EYA4: variants seen among roughly 807,000 people sequenced by gnomAD.
EYA4 encodes the protein EYA transcriptional coactivator and phosphatase 4.
A neutral mutation model predicts 87.9 loss-of-function variants in EYA4; 31 were observed. That is an observed-to-expected ratio of 0.35 (90% CI 0.27 to 0.48). The LOEUF (loss-of-function observed/expected upper bound fraction) is 0.48. EYA4 is among the 20% of genes least tolerant of loss of function. The pLI is 0.99. For synonymous variants in EYA4, 263 were observed against 270.6 expected, an observed-to-expected ratio of 0.97 and a Z score of 0.28; for missense variants, 678 against 761.4, an observed-to-expected ratio of 0.89 and a Z score of 1.29.
Position 133,523,182 on chromosome 6 carries a change from G to A in EYA4, c.1738+5G>A. ...TTTACAGTGCAACTAAAATAGGTAA[G>A]GAAATTATTTTAAACTCTGTATGGA... On this transcript the variant is annotated splice_donor_5th_base_variant and intron_variant, in intron 18 of 19. Coordinates refer to ENST00000355286, the MANE Select transcript of EYA4 (RefSeq NM_004100.5). 1.9e-6 allele frequency: 3 copies of A among 1,611,680 alleles called. No homozygotes were observed. Among genetic ancestry groups the A allele is most frequent in the Non-Finnish European group, 2.5e-6 (3 of 1,178,214 alleles).
intron 13 of EYA4, among the ~76,000 whole-genome samples, chr6:133,489,543 T>C (rs912530961): frequency 2.6e-5 from 4 of 151,722 alleles, no homozygotes; most frequent in Admixed American, 2.0e-4. Context: ...GGAGCTCCAG[T>C]ACATGGCAGC....
At chr6:133,357,479 G>A (rs1784158111) in intron 2 of EYA4, among the ~76,000 whole-genome samples, 8 of 151,980 alleles carry the variant, frequency 5.3e-5, no homozygotes, top group Admixed American at 5.2e-4. Flanking sequence ...ATTAAATTAT[G>A]GTACCTAATC....
At chr6:133,295,249 C>T (rs1488301251) in intron 2 of EYA4, among the ~76,000 whole-genome samples, 1 of 152,172 alleles carries the variant, frequency 6.6e-6, no homozygotes, top group Non-Finnish European at 1.5e-5. Context: ...TGTTCAAGTG[C>T]TCCCCTAGAG....
intron 3 of EYA4, among the ~76,000 whole-genome samples, chr6:133,394,438 C>G (rs537289399): frequency 6.6e-6 from 1 of 151,384 alleles, no homozygotes; most frequent in South Asian, 2.1e-4. Context: ...AACAGCGGCA[C>G]CTTTATAAGC....
chr6:133,347,444 A>G (rs967045029), intron 2 of EYA4, among the ~76,000 whole-genome samples: 5 of 152,090 alleles, frequency 3.3e-5, no homozygotes, highest in African/African-American at 1.2e-4. Context: ...ATACACTTAA[A>G]ATGGAGATTT....
intron 2 of EYA4, among the ~76,000 whole-genome samples, chr6:133,300,472 T>C (rs1312096886): frequency 6.6e-6 from 1 of 152,188 alleles, no homozygotes; most frequent in Non-Finnish European, 1.5e-5. Context: ...ATTTAGTCTC[T>C]GTATTAATCA....
Position 133,506,179 on chromosome 6 carries a change from T to G in EYA4, c.1265T>G (p.Phe422Cys). 1 of 1,596,538 alleles carries G rather than the reference T, an allele frequency of 6.3e-7. No homozygotes were observed. The highest frequency in any genetic ancestry group is 8.6e-7 in the Non-Finnish European group (1 of 1,164,110). ...MIFNLADTHL[F>C]FNDLEECDQV... ...TTTAATCTTGCTGATACTCATTTGTTTTTTAATGATTTAGAGGTAAGAATT... is the reference window on the plus strand; with the variant it reads ...TTTAATCTTGCTGATACTCATTTGTGTTTTAATGATTTAGAGGTAAGAATT... Residue 422 changes from phenylalanine to cysteine, a missense_variant, in exon 14 of 20, where the codon TTT becomes TGT. Transcript: ENST00000355286.
intron 1 of EYA4, chr6:133,248,365 T>C (rs1742912592): frequency 6.6e-6 from 1 of 152,198 alleles, no homozygotes; most frequent in African/African-American, 2.4e-5. Flanking sequence ...TTAATTCTAC[T>C]CACAAAAGCA....
At chr6:133,459,103 T>C (rs2128649294) in intron 6 of EYA4, among the ~76,000 whole-genome samples, 1 of 152,300 alleles carries the variant, frequency 6.6e-6, no homozygotes, top group Admixed American at 6.5e-5. Context: ...TTTGTTGTTC[T>C]TTTCAGTTAT....
intron 3 of EYA4, among the ~76,000 whole-genome samples, chr6:133,421,588 A>C (rs1790228066): frequency 6.6e-6 from 1 of 152,146 alleles, no homozygotes. Flanking sequence ...GCTCTTCCTC[A>C]CTTTGAGGTG....
At chr6:133,252,808 C>G (rs1328475549) in intron 1 of EYA4, among the ~76,000 whole-genome samples, 1 of 152,052 alleles carries the variant, frequency 6.6e-6, no homozygotes, top group African/African-American at 2.4e-5. Context: ...AAATTCCACA[C>G]TTATGCATTG....
At chr6:133,258,189 A>G (rs972618349) in intron 1 of EYA4, among the ~76,000 whole-genome samples, 2 of 152,066 alleles carry the variant, frequency 1.3e-5, no homozygotes, top group Non-Finnish European at 2.9e-5. Context: ...CCTGGAGGAG[A>G]TGCCTGGGGC....
chr6:133,333,774 G>C (rs546967464), intron 2 of EYA4, among the ~76,000 whole-genome samples: 1 of 152,162 alleles, frequency 6.6e-6, no homozygotes, highest in South Asian at 2.1e-4. Flanking sequence ...TGAATGTATA[G>C]AAAAGGGAAA....
At chr6:133,266,595 A>T (rs1221103925) in intron 1 of EYA4, among the ~76,000 whole-genome samples, 1 of 152,206 alleles carries the variant, frequency 6.6e-6, no homozygotes, top group Non-Finnish European at 1.5e-5. Flanking sequence ...TTTTATTATT[A>T]GGTCAGGTGA....
At chr6:133,342,574 C>CATATATATAT (rs56987430) in intron 2 of EYA4, among the ~76,000 whole-genome samples, 2,223 of 100,190 alleles carry the variant, frequency 0.022, 64 homozygotes, top group African/African-American at 0.025. Context: ...TACACACTGC[C>CATATATATAT]ATATATATAT....
intron 2 of EYA4, among the ~76,000 whole-genome samples, chr6:133,276,423 G>A (rs1777169476): frequency 6.6e-6 from 1 of 152,140 alleles, no homozygotes; most frequent in Non-Finnish European, 1.5e-5. Context: ...TGTTTTCAAT[G>A]CAGTTGAGAA....
chr6:133,478,493 C>T (rs1279700640), intron 11 of EYA4, among the ~76,000 whole-genome samples: 1 of 152,074 alleles, frequency 6.6e-6, no homozygotes, highest in East Asian at 1.9e-4. Context: ...AAGGAAAGGA[C>T]AACTGCTATC....
intron 2 of EYA4, among the ~76,000 whole-genome samples, chr6:133,317,819 A>G (rs1382110013): frequency 1.4e-5 from 2 of 146,470 alleles, no homozygotes; most frequent in African/African-American, 5.1e-5. Context: ...TCATCTATCC[A>G]TCCCTAGATT....
intron 1 of EYA4, among the ~76,000 whole-genome samples, chr6:133,252,942 AACACACAC>A (rs3836960): frequency 0.08 from 11,092 of 138,626 alleles, 694 homozygotes; most frequent in African/African-American, 0.17. Context: ...GGTACTTGAA[AACACACAC>A]ACACACACAC....
Sources: gnomAD v4.1 joint callset for allele counts (sites outside exome capture counted in the v4.1 genomes callset) on GRCh38, gnomAD v4.1.1 for gene constraint, MANE v1.5 for transcripts, NCBI Gene and HGNC (gene_info 2026-07-23, HGNC 2026-07-21) for gene names.